The following OPRM1 variants were observed in gnomAD, a reference collection of about 807,000 sequenced individuals.
OPRM1 encodes the protein opioid receptor mu 1, also known as mu-type opioid receptor.
OPRM1 carries 27 observed loss-of-function variants against 31.8 expected under a neutral mutation model. The observed-to-expected ratio is 0.85, with a 90% CI of 0.63 to 1.17. The LOEUF is 1.17. OPRM1 is among the 50% of genes most tolerant of loss of function. The probability of loss-of-function intolerance (pLI) is 0.00; values close to 1 mark genes in which losing one functional copy is unlikely to be tolerated. For missense variants in OPRM1, 536 were observed against 511.1 expected (o/e 1.05, Z -0.47); for synonymous variants, 196 against 189.9 (o/e 1.03, Z -0.26).
chr6:154,101,589 A>G (rs1237235647), intron 3 of OPRM1, among the ~76,000 whole-genome samples: 1 of 152,226 alleles, frequency 6.6e-6, no homozygotes, highest in Admixed American at 6.5e-5. Flanking sequence ...GTAACTGGAT[A>G]TGTCAAGCAG....
At chr6:154,057,670 T>C (rs1224861994) in intron 1 of OPRM1, among the ~76,000 whole-genome samples, 2 of 152,308 alleles carry the variant, frequency 1.3e-5, no homozygotes, top group Middle Eastern at 3.4e-3. Context: ...TTTCTCAAAG[T>C]AGATATTGTA....
chr6:154,083,561 G>C (rs1049498154), intron 1 of OPRM1: 1 of 152,404 alleles, frequency 6.6e-6, no homozygotes, highest in African/African-American at 2.4e-5. Context: ...TGTCATCGGG[G>C]GACCCGAAGG....
intron 3 of OPRM1, chr6:154,110,564 G>T (rs756571503): frequency 2.3e-5 from 14 of 599,498 alleles, no homozygotes; most frequent in Non-Finnish European, 4.2e-5. Context: ...TCACAAGCAG[G>T]AGTTTCCGAG....
intron 1 of OPRM1, among the ~76,000 whole-genome samples, chr6:154,048,781 T>A (rs1252164656): frequency 1.3e-5 from 2 of 152,200 alleles, no homozygotes; most frequent in African/African-American, 4.8e-5. Context: ...TACAAACACA[T>A]ACATGTCTAT....
intron 3 of OPRM1, among the ~76,000 whole-genome samples, chr6:154,144,230 C>T (rs544594671): frequency 1.4e-4 from 21 of 152,264 alleles, no homozygotes; most frequent in African/African-American, 4.3e-4. Flanking sequence ...CTGAAGACTT[C>T]TACTAAACGT....
At chr6:154,020,086 A>G (rs1778274779) in intron 1 of OPRM1, among the ~76,000 whole-genome samples, 1 of 152,120 alleles carries the variant, frequency 6.6e-6, no homozygotes, top group Admixed American at 6.5e-5. Flanking sequence ...TGGATGTACT[A>G]CAGTTTATCC....
chr6:154,066,377 A>G (rs1445879851), intron 1 of OPRM1, among the ~76,000 whole-genome samples: 1 of 152,028 alleles, frequency 6.6e-6, no homozygotes, highest in East Asian at 1.9e-4. Context: ...GGTACAATTC[A>G]CCAATGAAGC....
At chr6:154,035,504 C>T (rs982521482), upstream of OPRM1, among the ~76,000 whole-genome samples, 3 of 151,992 alleles carry the variant, frequency 2.0e-5, no homozygotes, top group Non-Finnish European at 4.4e-5. Context: ...TCCAATGAAA[C>T]CTTGGATGTC....
chr6:154,142,085 G>C (rs943872702), intron 3 of OPRM1, among the ~76,000 whole-genome samples: 1 of 143,898 alleles, frequency 6.9e-6, no homozygotes. Context: ...CAACTCTCAC[G>C]CTCTGGACCT....
chr6:154,177,019 C>T (rs1349155473), intron 3 of OPRM1, among the ~76,000 whole-genome samples: 1 of 152,092 alleles, frequency 6.6e-6, no homozygotes. Context: ...ACAAACCTGA[C>T]AAAAACAAGC....
rs551154012 is a variant in OPRM1, at chr6:154,032,105, G to A, written c.1-7056G>A. Among the ~76,000 whole-genome samples, 3 of 152,286 alleles carry A rather than the reference G, an allele frequency of 2.0e-5. No individual in the cohort carries two copies. In the South Asian group the frequency reaches 6.2e-4, roughly 32 times the overall value. On this transcript the variant is annotated intron_variant, in intron 1 of 5. Transcript: ENST00000434900. ...GAGCTCACTGTACAACTCTGTATGA[G>A]CCATGAAAGTCTGAACAACAAAAAT...
At chr6:154,241,200 C>T (rs1321769727) in intron 3 of OPRM1, among the ~76,000 whole-genome samples, 3 of 139,880 alleles carry the variant, frequency 2.1e-5, no homozygotes, top group African/African-American at 5.5e-5. Flanking sequence ...CGCGCCACTG[C>T]ACTTCAGCCT....
At chr6:154,143,297 C>T (rs1798269381) in intron 3 of OPRM1, among the ~76,000 whole-genome samples, 1 of 152,194 alleles carries the variant, frequency 6.6e-6, no homozygotes, top group Non-Finnish European at 1.5e-5. Context: ...GTCCTTCTCT[C>T]ATCACTCTTG....
chr6:154,027,821 C>T (rs572702326), intron 1 of OPRM1, among the ~76,000 whole-genome samples: 6 of 152,334 alleles, frequency 3.9e-5, no homozygotes, highest in Admixed American at 2.6e-4. Flanking sequence ...GCCCCAAAGG[C>T]TCTTCAGTCA....
Position 154,149,342 on chromosome 6 carries a change from G to T in OPRM1, c.1164+57870G>T, listed in dbSNP as rs568372141. Reference sequence around the variant, plus strand: ...GAACTCACTCACTATCACAAGAACAGCATGGGGGTAACTGTCCCCATGATT... The same window carrying T: ...GAACTCACTCACTATCACAAGAACATCATGGGGGTAACTGTCCCCATGATT... On this transcript the variant is annotated intron_variant, in intron 3 of 3. Coordinates refer to the OPRM1 transcript ENST00000337049. Among the ~76,000 whole-genome samples the T allele has an allele frequency of 2.6e-5, 4 of 152,190 alleles. No homozygotes were observed. The East Asian group carries it at 7.7e-4, about 29-fold the overall frequency.
intron 1 of OPRM1, among the ~76,000 whole-genome samples, chr6:154,032,328 T>C (rs1779056232): frequency 6.6e-6 from 1 of 152,202 alleles, no homozygotes; most frequent in African/African-American, 2.4e-5. Context: ...CTTTTACAAA[T>C]GAAAAAATCA....
At chr6:154,037,842 A>G (rs945703967), upstream of OPRM1, among the ~76,000 whole-genome samples, 1 of 151,452 alleles carries the variant, frequency 6.6e-6, no homozygotes, top group Non-Finnish European at 1.5e-5. Flanking sequence ...GATTTATAAA[A>G]TGATTGACTC....
rs1797902561 is a variant in OPRM1, at chr6:154,131,676, C to T, written c.*12955C>T. Among the ~76,000 whole-genome samples, 1 of 152,078 alleles carries T rather than the reference C, an allele frequency of 6.6e-6. No homozygotes were observed. The highest frequency in any genetic ancestry group is 1.5e-5 in the Non-Finnish European group (1 of 67,992). ...AGTTTCTGTTTTACGGATTTTGTATCCAAGTAAATGAAAACACAATCACCT... is the reference window on the plus strand; with the variant it reads ...AGTTTCTGTTTTACGGATTTTGTATTCAAGTAAATGAAAACACAATCACCT... On this transcript the variant is annotated 3_prime_UTR_variant, in exon 4 of 4. Coordinates refer to ENST00000330432, the MANE Select transcript of OPRM1 (RefSeq NM_000914.5).
At chr6:154,171,436 A>C (rs543746973) in intron 3 of OPRM1, among the ~76,000 whole-genome samples, 1 of 152,242 alleles carries the variant, frequency 6.6e-6, no homozygotes, top group African/African-American at 2.4e-5. Flanking sequence ...AGAGACAGAA[A>C]CCAGAATAAT....
Sources: allele counts gnomAD v4.1 joint callset (sites outside exome capture counted in the v4.1 genomes callset), GRCh38; gene constraint gnomAD v4.1.1; transcripts MANE v1.5; gene names NCBI Gene and HGNC (gene_info 2026-07-23, HGNC 2026-07-21).